RNGTT: variants seen among roughly 807,000 people sequenced by gnomAD.
RNGTT encodes mRNA-capping enzyme.
A neutral mutation model predicts 79.3 loss-of-function variants in RNGTT; 33 were observed. The ratio of observed to expected loss-of-function variants is 0.42; its 90% CI spans 0.32 to 0.56. RNGTT has a LOEUF of 0.56. Among genes scored for constraint, RNGTT ranks in the 20% least tolerant of loss-of-function variants. RNGTT has a pLI of 0.17. For missense variants in RNGTT, 497 were observed against 739.1 expected (o/e 0.67, Z 3.80); for synonymous variants, 222 against 235.9 (o/e 0.94, Z 0.54).
Position 88,678,369 on chromosome 6 carries a change from G to A in RNGTT, c.1490C>T (p.Pro497Leu). 6.4e-7 allele frequency: 1 copy of A among 1,558,290 alleles called. No homozygotes were observed. ...CAAACATACCTTGATTTGTGCAAAG[G>A]GTCTTTCATAACCTCCAACATACAG... ...GLLYVGGYER[P>L]FAQIKVTKEL... The change falls in exon 14 of 16, where the codon CCC becomes CTC. Residue 497 changes from proline (P) to leucine (L), a missense_variant. Physicochemically the swap from Pro to Leu is moderately conservative, Grantham distance 98. Coordinates refer to ENST00000369485, the MANE Select transcript of RNGTT (RefSeq NM_003800.5).
At chr6:88,645,208 T>G (rs367608561) in intron 14 of RNGTT, among the ~76,000 whole-genome samples, 1 of 152,042 alleles carries the variant, frequency 6.6e-6, no homozygotes, top group Non-Finnish European at 1.5e-5. Context: ...TATACACCAA[T>G]AACAGACAAA....
At chr6:88,839,386 T>C (rs902354055) in intron 11 of RNGTT, among the ~76,000 whole-genome samples, 5 of 152,018 alleles carry the variant, frequency 3.3e-5, no homozygotes, top group Non-Finnish European at 5.9e-5. Flanking sequence ...GCCTGGTCAA[T>C]ACAGCAAAAT....
At chr6:88,624,039 T>C (rs910378221) in intron 14 of RNGTT, among the ~76,000 whole-genome samples, 1 of 151,970 alleles carries the variant, frequency 6.6e-6, no homozygotes, top group African/African-American at 2.4e-5. Flanking sequence ...AAAAATAATC[T>C]GTGCAGGATC....
intron 6 of RNGTT, among the ~76,000 whole-genome samples, chr6:88,898,000 C>G (rs1330488116): frequency 1.3e-5 from 2 of 152,084 alleles, no homozygotes; most frequent in African/African-American, 2.4e-5. Flanking sequence ...CACATTAACT[C>G]CCCCCAGACT....
At chr6:88,738,868 A>ACACACACC (rs1554211732) in intron 13 of RNGTT, among the ~76,000 whole-genome samples, 8 of 151,152 alleles carry the variant, frequency 5.3e-5, no homozygotes, top group Admixed American at 2.6e-4. Flanking sequence ...ACACACACAC[A>ACACACACC]CCCCTTCCAA....
intron 6 of RNGTT, 118 bp downstream of exon 6, chr6:88,904,597 G>T: frequency 4.0e-6 from 5 of 1,247,640 alleles, no homozygotes; most frequent in South Asian, 1.6e-5. Context: ...AAAGGGCTAG[G>T]ATGAATCATC....
rs544735124 is a variant in RNGTT at position 88,854,388 on chromosome 6, T to C, written c.897-624A>G. 7.2e-5 allele frequency among the ~76,000 whole-genome samples: 11 copies of C among 152,312 alleles called. No homozygotes were observed. In the South Asian group the frequency reaches 1.7e-3, roughly 23 times the overall value. On this transcript the variant is annotated intron_variant, in intron 8 of 15. Transcript: ENST00000369485. ...TCTAATTTTTATGAGATCTTAAACA[T>C]TGAAGCCTTTCAAAGTTTACAAAAT...
At chr6:88,674,538 G>A (rs1224333281) in intron 14 of RNGTT, among the ~76,000 whole-genome samples, 1 of 151,978 alleles carries the variant, frequency 6.6e-6, no homozygotes, top group African/African-American at 2.4e-5. Context: ...AACAGAGTGA[G>A]ACTCTGTCTC....
chr6:88,921,815 A>G (rs1022655562), intron 4 of RNGTT, among the ~76,000 whole-genome samples: 3 of 152,078 alleles, frequency 2.0e-5, no homozygotes, highest in Non-Finnish European at 4.4e-5. Context: ...AAAAAATAAT[A>G]CAAATTTAAA....
intron 13 of RNGTT, among the ~76,000 whole-genome samples, chr6:88,748,300 C>T (rs1777731880): frequency 6.6e-6 from 1 of 152,128 alleles, no homozygotes; most frequent in Non-Finnish European, 1.5e-5. Flanking sequence ...GGCCCGATCT[C>T]TTCTACTTCT....
intron 13 of RNGTT, among the ~76,000 whole-genome samples, chr6:88,716,789 G>A (rs1302043608): frequency 6.6e-6 from 1 of 152,138 alleles, no homozygotes; most frequent in Non-Finnish European, 1.5e-5. Flanking sequence ...GACACAGGAA[G>A]GGGAACATCA....
chr6:88,963,448 T>G lies in RNGTT; in HGVS notation c.-39A>C. The G allele has an allele frequency of 6.6e-7, 1 of 1,514,142 alleles. No homozygotes were observed. Among genetic ancestry groups the G allele is most frequent in the East Asian group, 2.6e-5 (1 of 38,922 alleles). 93.8% of individuals were successfully genotyped at this position (1,514,142 alleles called of 1,614,324 possible). A position where few individuals can be genotyped will look rare whatever the true frequency, so the allele number is the denominator to read the frequency against. ...GCAGAGCTGCCCTCCCTCACCAACG[T>G]TCACCGCGCCTTTGGAGCCGCCTCC... On this transcript the variant is annotated 5_prime_UTR_variant, in exon 1 of 16. Transcript: ENST00000369485.
intron 13 of RNGTT, among the ~76,000 whole-genome samples, chr6:88,766,535 T>C (rs1326095066): frequency 2.0e-5 from 3 of 152,070 alleles, no homozygotes; most frequent in Non-Finnish European, 4.4e-5. Flanking sequence ...GATAAATCAA[T>C]GTTAATATAT....
intron 11 of RNGTT, among the ~76,000 whole-genome samples, chr6:88,838,105 T>C (rs1781142398): frequency 1.3e-5 from 2 of 152,186 alleles, no homozygotes; most frequent in Admixed American, 1.3e-4. Context: ...CTTTCAAGTT[T>C]AAAACCTAAC....
At chr6:88,700,980 G>A (rs1344753817) in intron 13 of RNGTT, among the ~76,000 whole-genome samples, 5 of 152,072 alleles carry the variant, frequency 3.3e-5, no homozygotes, top group Non-Finnish European at 7.4e-5. Context: ...ATGAAATATT[G>A]AAGTTCATGG....
intron 13 of RNGTT, among the ~76,000 whole-genome samples, chr6:88,754,823 TC>T (rs1212831061): frequency 1.3e-5 from 2 of 152,210 alleles, no homozygotes; most frequent in East Asian, 3.8e-4. Context: ...GCCAGACCCA[TC>T]CCTTTATTTT....
intron 12 of RNGTT, among the ~76,000 whole-genome samples, chr6:88,789,037 G>A (rs777589299): frequency 2.6e-5 from 4 of 152,130 alleles, no homozygotes; most frequent in Non-Finnish European, 4.4e-5. Context: ...CTCCTAAGCT[G>A]GTTTTTGGGA....
chr6:88,840,415 G>A (rs1202468544), intron 11 of RNGTT, among the ~76,000 whole-genome samples: 1 of 151,932 alleles, frequency 6.6e-6, no homozygotes. Context: ...TATTTATTTC[G>A]AGACAGTGTC....
rs189097459 is a variant in RNGTT at position 88,943,545 on chromosome 6, G to A, written c.65-2365C>T. 1.6e-4 allele frequency among the ~76,000 whole-genome samples: 24 copies of A among 151,472 alleles called. No homozygotes were observed. In the Middle Eastern group the frequency reaches 0.01, roughly 65 times the overall value. The stretch of plus-strand genomic sequence containing the variant: ...GTACCAGGCATTGTTCTAGGCGCAC[G>A]GATTACATTAGTGAAAAGGAAAAAA... On this transcript the variant is annotated intron_variant, in intron 1 of 15. Coordinates refer to ENST00000369485, the MANE Select transcript of RNGTT (RefSeq NM_003800.5).
Sources: gnomAD v4.1 joint callset for allele counts (sites outside exome capture counted in the v4.1 genomes callset) on GRCh38, gnomAD v4.1.1 for gene constraint, MANE v1.5 for transcripts, NCBI Gene and HGNC (gene_info 2026-07-23, HGNC 2026-07-21) for gene names.